Variants in FUT9 observed in about 807,000 individuals in gnomAD.
FUT9 encodes the protein fucosyltransferase 9.
Under a neutral mutation model 29.7 loss-of-function variants are expected in FUT9, and 15 were observed. The ratio of observed to expected loss-of-function variants is 0.51; its 90% CI spans 0.34 to 0.78. The LOEUF is 0.78. Ranked by LOEUF, FUT9 falls within the 30% of genes least tolerant of loss-of-function variation. FUT9 has a pLI of 0.01. For synonymous variants in FUT9, 169 were observed against 153.7 expected, an observed-to-expected ratio of 1.10 and a Z score of -0.74; for missense variants, 319 against 425.4, an observed-to-expected ratio of 0.75 and a Z score of 2.20.
At chr6:96,168,735 G>A (rs148547376) in intron 2 of FUT9, among the ~76,000 whole-genome samples, 166 of 152,312 alleles carry the variant, frequency 1.1e-3, no homozygotes, top group South Asian at 1.9e-3. Context: ...GTAGATGGCA[G>A]GGAAGTGGAG....
intron 1 of FUT9, among the ~76,000 whole-genome samples, chr6:96,097,302 G>A (rs1771517193): frequency 2.0e-5 from 3 of 152,344 alleles, no homozygotes; most frequent in African/African-American, 4.8e-5. Context: ...GCTGGAGCCA[G>A]CTCCCCAAGC....
At chr6:96,147,041 A>G (rs1772580403) in intron 2 of FUT9, among the ~76,000 whole-genome samples, 1 of 152,204 alleles carries the variant, frequency 6.6e-6, no homozygotes, top group Admixed American at 6.5e-5. Flanking sequence ...CAAGAGTAAC[A>G]ATCAGTGCAA....
intron 2 of FUT9, among the ~76,000 whole-genome samples, chr6:96,191,303 G>T (rs879665981): frequency 6.6e-6 from 1 of 151,938 alleles, no homozygotes; most frequent in Non-Finnish European, 1.5e-5. Flanking sequence ...TAGTTTTTTT[G>T]AAAAGATCAA....
At chr6:96,048,062 C>G (rs1770595163) in intron 1 of FUT9, among the ~76,000 whole-genome samples, 1 of 152,118 alleles carries the variant, frequency 6.6e-6, no homozygotes, top group South Asian at 2.1e-4. Context: ...GCTCATGGTT[C>G]TTCCTCCATT....
At chr6:96,112,095 C>A in intron 1 of FUT9, among the ~76,000 whole-genome samples, 1 of 152,152 alleles carries the variant, frequency 6.6e-6, no homozygotes, top group Non-Finnish European at 1.5e-5. Flanking sequence ...TTACAAACAA[C>A]ATCCGGAAGC....
intron 1 of FUT9, among the ~76,000 whole-genome samples, chr6:96,085,871 G>T (rs755584545): frequency 2.0e-5 from 3 of 152,010 alleles, no homozygotes; most frequent in African/African-American, 7.3e-5. Context: ...CGTTCCTCTG[G>T]AAATGGATAC....
intron 1 of FUT9, among the ~76,000 whole-genome samples, chr6:96,103,002 T>C (rs1476573116): frequency 1.3e-5 from 2 of 152,136 alleles, no homozygotes; most frequent in Non-Finnish European, 2.9e-5. Flanking sequence ...AAGAGAGTGG[T>C]AGGCAGGTCC....
chr6:96,170,484 T>G (rs1773091631), intron 2 of FUT9, among the ~76,000 whole-genome samples: 2 of 152,224 alleles, frequency 1.3e-5, no homozygotes, highest in South Asian at 4.1e-4. Flanking sequence ...TGTCCTTTTT[T>G]TTCTTCCAAA....
intron 1 of FUT9, among the ~76,000 whole-genome samples, chr6:96,075,195 ATAG>A (rs1771123838): frequency 6.6e-6 from 1 of 152,178 alleles, no homozygotes; most frequent in Non-Finnish European, 1.5e-5. Flanking sequence ...GAAAGCTACT[ATAG>A]CACATAAATC....
At chr6:96,096,322 C>T (rs553122266) in intron 1 of FUT9, among the ~76,000 whole-genome samples, 2 of 152,048 alleles carry the variant, frequency 1.3e-5, no homozygotes, top group African/African-American at 2.4e-5. Context: ...TCTAATCCAA[C>T]CCCCCAGGAT....
At chr6:96,029,885 T>G (rs1267086804) in intron 1 of FUT9, among the ~76,000 whole-genome samples, 1 of 151,432 alleles carries the variant, frequency 6.6e-6, no homozygotes, top group Admixed American at 6.6e-5. Context: ...AGGTGAGAAG[T>G]GAAAGGAAAT....
intron 1 of FUT9, chr6:96,037,285 G>A (rs978097574): frequency 2.0e-5 from 3 of 152,024 alleles, no homozygotes; most frequent in Non-Finnish European, 4.4e-5. Flanking sequence ...AATTATCTGC[G>A]AGGTTCACAG....
At chr6:96,052,764 A>G (rs548330226) in intron 1 of FUT9, among the ~76,000 whole-genome samples, 34 of 152,088 alleles carry the variant, frequency 2.2e-4, no homozygotes, top group Non-Finnish European at 1.3e-4. Flanking sequence ...TTTTTTGGCT[A>G]TTTTACTAAT....
chr6:96,100,434 T>C (rs1036955305), intron 1 of FUT9, among the ~76,000 whole-genome samples: 1 of 152,210 alleles, frequency 6.6e-6, no homozygotes, highest in Non-Finnish European at 1.5e-5. Context: ...GATGTCAATA[T>C]GAAATTATCT....
At chr6:96,128,133 C>T (rs1222774603) in intron 2 of FUT9, among the ~76,000 whole-genome samples, 1 of 151,952 alleles carries the variant, frequency 6.6e-6, no homozygotes, top group African/African-American at 2.4e-5. Context: ...TTAAAATTAA[C>T]AGATTCAACT....
In FUT9 at chr6:96,140,823, C is replaced by T. The variant is rs559986855; in HGVS notation, c.-9+26696C>T. Reference sequence around the variant, plus strand: ...TGACATGCTGAGATTATGATCTACTCTCACCACTGAGAATATTCATATTCT... The same window carrying T: ...TGACATGCTGAGATTATGATCTACTTTCACCACTGAGAATATTCATATTCT... On this transcript the variant is annotated intron_variant, in intron 2 of 2. Transcript: ENST00000302103. Among the ~76,000 whole-genome samples the T allele has an allele frequency of 1.2e-4, 19 of 152,308 alleles. No homozygotes were observed. The South Asian group carries it at 3.9e-3, about 32-fold the overall frequency.
intron 2 of FUT9, among the ~76,000 whole-genome samples, chr6:96,128,987 GTGGCTCATGCC>G (rs1772183130): frequency 6.6e-6 from 1 of 151,728 alleles, no homozygotes; most frequent in African/African-American, 2.4e-5. Context: ...ACCGGGTGTG[GTGGCTCATGCC>G]TGTAATTCCA....
chr6:96,134,201 T>C (rs1324501087), intron 2 of FUT9, among the ~76,000 whole-genome samples: 1 of 151,856 alleles, frequency 6.6e-6, no homozygotes, highest in East Asian at 1.9e-4. Flanking sequence ...AATAGAATAA[T>C]ATTACTATTT....
At chr6:96,037,365 A>G (rs1185066345) in intron 1 of FUT9, 1 of 152,046 alleles carries the variant, frequency 6.6e-6, no homozygotes, top group Non-Finnish European at 1.5e-5. Context: ...ATTGTACTAG[A>G]CTGTCTTTCA....
Sources: gnomAD v4.1 joint callset for allele counts (sites outside exome capture counted in the v4.1 genomes callset) on GRCh38, gnomAD v4.1.1 for gene constraint, MANE v1.5 for transcripts, NCBI Gene and HGNC (gene_info 2026-07-23, HGNC 2026-07-21) for gene names.